NUMBL: variants seen among roughly 807,000 people sequenced by gnomAD.
The protein encoded by NUMBL is numb-like protein.
A neutral mutation model predicts 48.9 loss-of-function variants in NUMBL; 20 were observed. The observed-to-expected ratio is 0.41, with a 90% CI of 0.29 to 0.59. The LOEUF (loss-of-function observed/expected upper bound fraction) is 0.59, where lower values mean the gene tolerates loss of function less well. Ranked by LOEUF, NUMBL falls within the 20% of genes least tolerant of loss-of-function variation. NUMBL has a pLI of 0.31. For missense variants in NUMBL, 660 were observed against 846.2 expected, an observed-to-expected ratio of 0.78 and a Z score of 2.73; for synonymous variants, 340 against 348.7, an observed-to-expected ratio of 0.98 and a Z score of 0.28.
rs942838266 is a variant in NUMBL at position 40,666,385 on chromosome 19, C to T, written c.*1083G>A. On this transcript the variant is annotated 3_prime_UTR_variant, in exon 10 of 10. Transcript: ENST00000252891. ...GAACTCCTGACCTTAAGTGATCTGC[C>T]TGCCTCGACCTCCCAAAGTGCTGGG... 6.6e-6 allele frequency: 1 copy of T among 152,188 alleles called. No homozygotes were observed. Among genetic ancestry groups the T allele is most frequent in the Non-Finnish European group, 1.5e-5 (1 of 68,056 alleles). The allele number at this position is 152,188 out of a possible 1,614,324, so 9.4% of individuals were successfully genotyped here. A position where few individuals can be genotyped will look rare whatever the true frequency, so the allele number is the denominator to read the frequency against.
rs1047319814 is a variant in NUMBL at position 40,690,478 on chromosome 19, G to A, written c.6C>T (p.Ser2=). M[S]RSAAASGGPR... ...TTCTCACGCTGGCCGCCGCGCTGCG[G>A]GACATCCAGGGCCCGGGCGCCCCCG... Residue 2 remains serine, a synonymous_variant, in exon 1 of 10, where the codon TCC becomes TCT. Coordinates refer to ENST00000252891, the MANE Select transcript of NUMBL (RefSeq NM_004756.5). The A allele has an allele frequency of 1.3e-5, 17 of 1,306,670 alleles. No individual in the cohort carries two copies. Among genetic ancestry groups the A allele is most frequent in the African/African-American group, 9.1e-5 (6 of 65,668 alleles). 80.9% of individuals were successfully genotyped at this position (1,306,670 alleles called of 1,614,324 possible).
chr19:40,667,359 G>A lies in NUMBL; in HGVS notation c.*109C>T, dbSNP rs2081815239. The A allele has an allele frequency of 6.9e-7, 1 of 1,444,742 alleles. No individual in the cohort carries two copies. Among genetic ancestry groups the A allele is most frequent in the South Asian group, 1.3e-5 (1 of 74,440 alleles). 89.5% of individuals were successfully genotyped at this position (1,444,742 alleles called of 1,614,324 possible). The stretch of plus-strand genomic sequence containing the variant: ...GGTGGTTGAGGGAGGGGGGTGTTGA[G>A]AGGGTGTTGAGGGGCGCAGCCCCAG... On this transcript the variant is annotated 3_prime_UTR_variant, in exon 10 of 10. Transcript: ENST00000252891. This position sits in a 1 kb window ranked among gnomAD's most constrained non-coding sequence, Gnocchi z 6.1.
chr19:40,690,413 CA>C, intron 1 of NUMBL, 46 bp downstream of exon 1: 1 of 1,137,696 alleles, frequency 8.8e-7, no homozygotes, highest in Non-Finnish European at 1.1e-6. Flanking sequence ...GCCACATCAG[CA>C]GCGGCGCCGC....
intron 8 of NUMBL, among the ~76,000 whole-genome samples, chr19:40,672,800 A>G (rs768652597): frequency 1.3e-5 from 2 of 151,896 alleles, no homozygotes; most frequent in African/African-American, 4.8e-5. Context: ...CCCTAGGCAG[A>G]CATTTCTAAT....
chr19:40,686,509 G>A (rs1397995017), intron 2 of NUMBL, among the ~76,000 whole-genome samples: 6 of 152,058 alleles, frequency 3.9e-5, no homozygotes, highest in Non-Finnish European at 7.3e-5. Context: ...TGTATCCAGC[G>A]AGCGTCTGTG....
chr19:40,681,413 A>C (rs575621537), intron 5 of NUMBL, among the ~76,000 whole-genome samples: 1 of 152,244 alleles, frequency 6.6e-6, no homozygotes, highest in East Asian at 1.9e-4. Flanking sequence ...AAAAAAAGTC[A>C]AGGAACAGTA....
chr19:40,667,324 T>C lies in NUMBL; in HGVS notation c.*144A>G. On this transcript the variant is annotated 3_prime_UTR_variant, in exon 10 of 10. Transcript: ENST00000252891. The surrounding 1 kb of genome is among the most constrained non-coding windows in gnomAD (Gnocchi z 6.1). ...GGGCGTCACAATGTTGGTTCTGTAG[T>C]GGTTGTCGGGGTGGTTGAGGGAGGG... The C allele has an allele frequency of 8.6e-7, 1 of 1,167,840 alleles. No individual in the cohort carries two copies. The highest frequency in any genetic ancestry group is 1.2e-6 in the Non-Finnish European group (1 of 849,076). The allele number at this position is 1,167,840 out of a possible 1,614,324, so 72.3% of individuals were successfully genotyped here. A position where few individuals can be genotyped will look rare whatever the true frequency, so the allele number is the denominator to read the frequency against.
chr19:40,669,426 C>A (rs915740826), intron 9 of NUMBL, among the ~76,000 whole-genome samples: 1 of 151,856 alleles, frequency 6.6e-6, no homozygotes, highest in Non-Finnish European at 1.5e-5. Flanking sequence ...CTAAGATGAT[C>A]CCTGGGTCTA....
chr19:40,684,858 C>T, intron 2 of NUMBL: 1 of 360,110 alleles, frequency 2.8e-6, no homozygotes, highest in South Asian at 4.3e-5. Flanking sequence ...CATTGGAGGG[C>T]TTCTTGTCCA....
In NUMBL at chr19:40,667,833, G is replaced by T; in HGVS notation, c.1465C>A (p.Pro489Thr). 6.3e-7 allele frequency: 1 copy of T among 1,591,084 alleles called. No homozygotes were observed. The highest frequency in any genetic ancestry group is 2.3e-5 in the East Asian group (1 of 43,602). ...VFLPPPHMQP[P>T]FVPAYPGLGY... ...AAGCCCGGGTAGGCGGGCACAAAAG[G>T]GGGCTGCATGTGTGGGGGTGGCAGG... Residue 489 changes from proline to threonine, a missense_variant, in exon 10 of 10, where the codon CCT becomes ACT. Coordinates refer to ENST00000252891, the MANE Select transcript of NUMBL (RefSeq NM_004756.5). The surrounding 1 kb of genome is among the most constrained non-coding windows in gnomAD (Gnocchi z 6.1).
chr19:40,670,860 G>A (rs765797793), intron 8 of NUMBL, among the ~76,000 whole-genome samples: 70 of 152,332 alleles, frequency 4.6e-4, no homozygotes, highest in Non-Finnish European at 8.4e-4. Context: ...GCCGTGTGAT[G>A]TATGAGTGTG....
rs769498350 is a variant in NUMBL, at chr19:40,667,625, T to C, written c.1673A>G (p.Asn558Ser). 14 of 1,555,072 alleles carry C rather than the reference T, an allele frequency of 9.0e-6. No homozygotes were observed. Among genetic ancestry groups the C allele is most frequent in the East Asian group, 4.8e-5 (2 of 41,574 alleles). ...TGGCTCAGGGGGCCAGGGGGCCCCA[T>C]TGGGGCGAGGGCGGGCCTGGCTCCC... ...APGSQARPRP[N>S]GAPWPPEPAP... Residue 558 changes from asparagine (N) to serine (S), a missense_variant, in exon 10 of 10, where the codon AAT becomes AGT. Around this residue, in one of 3 missense-constraint regions of NUMBL, gnomAD observed 296 missense variants for 339.7 expected, o/e 0.87. Coordinates refer to ENST00000252891, the MANE Select transcript of NUMBL (RefSeq NM_004756.5). This position sits in a 1 kb window ranked among gnomAD's most constrained non-coding sequence, Gnocchi z 6.1.
rs554497777 is a variant in NUMBL, at chr19:40,667,611, G to A, written c.1687C>T (p.Pro563Ser). Residue 563 changes from proline to serine, a missense_variant, in exon 10 of 10, where the codon CCC becomes TCC. Pro to Ser is a moderately conservative substitution (Grantham distance 74). Coordinates refer to ENST00000252891, the MANE Select transcript of NUMBL (RefSeq NM_004756.5). The surrounding 1 kb of genome is among the most constrained non-coding windows in gnomAD (Gnocchi z 6.1). ...GCTGGGGCAGGCGCTGGCTCAGGGG[G>A]CCAGGGGGCCCCATTGGGGCGAGGG... ...ARPRPNGAPW[P>S]PEPAPAPAPE... The A allele has an allele frequency of 2.6e-6, 4 of 1,554,346 alleles. No homozygotes were observed. The highest frequency in any genetic ancestry group is 3.5e-6 in the Non-Finnish European group (4 of 1,149,164).
intron 6 of NUMBL, among the ~76,000 whole-genome samples, chr19:40,680,100 T>A (rs2081897124): frequency 6.6e-6 from 1 of 152,066 alleles, no homozygotes; most frequent in Non-Finnish European, 1.5e-5. Flanking sequence ...GTCCTGCTCT[T>A]TTCTGGCTTT....
rs2081961194 is a variant in NUMBL at position 40,690,628 on chromosome 19, G to A, written c.-145C>T. ...GATGGTGCGGGATGCACGCGCGCGAGCCTCCTCGGCTCCCGGGAGGATTCC... is the reference window on the plus strand; with the variant it reads ...GATGGTGCGGGATGCACGCGCGCGAACCTCCTCGGCTCCCGGGAGGATTCC... On this transcript the variant is annotated 5_prime_UTR_variant, in exon 1 of 10. Transcript: ENST00000252891. The A allele has an allele frequency of 7.6e-6, 3 of 394,178 alleles. No individual in the cohort carries two copies. Among genetic ancestry groups the A allele is most frequent in the African/African-American group, 4.2e-5 (2 of 47,570 alleles). 24.4% of individuals were successfully genotyped at this position (394,178 alleles called of 1,614,324 possible). A position where few individuals can be genotyped will look rare whatever the true frequency, so the allele number is the denominator to read the frequency against.
chr19:40,669,670 C>T (rs1489351244), intron 9 of NUMBL, among the ~76,000 whole-genome samples: 6 of 151,938 alleles, frequency 3.9e-5, no homozygotes, highest in Non-Finnish European at 8.8e-5. Flanking sequence ...AGGATGATCC[C>T]CTGGCTCTAA....
rs766143681 is a variant in NUMBL at position 40,667,636 on chromosome 19, G to A, written c.1662C>T (p.Arg554=). 2 of 1,556,830 alleles carry A rather than the reference G, an allele frequency of 1.3e-6. No individual in the cohort carries two copies. Among genetic ancestry groups the A allele is most frequent in the Non-Finnish European group, 1.7e-6 (2 of 1,150,400 alleles). Residue 554 remains arginine (R), a synonymous_variant, in exon 10 of 10, where the codon CGC becomes CGT. Coordinates refer to ENST00000252891, the MANE Select transcript of NUMBL (RefSeq NM_004756.5). This position sits in a 1 kb window ranked among gnomAD's most constrained non-coding sequence, Gnocchi z 6.1. ...GCCAGGGGGCCCCATTGGGGCGAGG[G>A]CGGGCCTGGCTCCCAGGGGCACTGG... ...AIPSAPGSQA[R]PRPNGAPWPP... is the part of the protein sequence containing the mutation.
In NUMBL at chr19:40,687,648, C is replaced by T. The variant is rs74679290; in HGVS notation, c.25-653G>A. Among the ~76,000 whole-genome samples the T allele has an allele frequency of 6.6e-6, 1 of 152,324 alleles. No homozygotes were observed. The highest frequency in any genetic ancestry group is 1.5e-5 in the Non-Finnish European group (1 of 68,024). On this transcript the variant is annotated intron_variant, in intron 1 of 9. Coordinates refer to ENST00000252891, the MANE Select transcript of NUMBL (RefSeq NM_004756.5). The surrounding 1 kb of genome is among the most constrained non-coding windows in gnomAD (Gnocchi z 4.6). ...CTAGAGCCGCACATGCGTGGCCACA[C>T]CCAGTGACAGCTATGTTTCCTCAGG... is the stretch of plus-strand genomic sequence containing the variant.
At position 40,667,010 on chromosome 19, in the gene NUMBL, T is replaced by TAG. The variant is rs2081812678; in HGVS notation, c.*456_*457dup. On this transcript the variant is annotated 3_prime_UTR_variant, in exon 10 of 10. Transcript: ENST00000252891. This position sits in a 1 kb window ranked among gnomAD's most constrained non-coding sequence, Gnocchi z 6.1. ...CAGCGTGTGGGCAGAGGGCAGCCCT[T>TAG]AGCTTGTGCTGTGCATGGGGGGAGG... The TAG allele has an allele frequency of 4.9e-6, 1 of 202,642 alleles. No homozygotes were observed. Among genetic ancestry groups the TAG allele is most frequent in the Admixed American group, 5.3e-5 (1 of 18,916 alleles). 12.6% of individuals were successfully genotyped at this position (202,642 alleles called of 1,614,324 possible). A position where few individuals can be genotyped will look rare whatever the true frequency, so the allele number is the denominator to read the frequency against.
Sources: gnomAD v4.1 joint callset for allele counts (sites outside exome capture counted in the v4.1 genomes callset) on GRCh38, gnomAD v4.1.1 for gene constraint, gnomAD v4.1.1 regional missense constraint, Gnocchi (gnomAD v3.1) non-coding constraint, MANE v1.5 for transcripts, NCBI Gene and HGNC (gene_info 2026-07-23, HGNC 2026-07-21) for gene names.